The following MID1 variants were observed in gnomAD, a reference collection of about 807,000 sequenced individuals.
MID1 encodes the protein midline 1, also known as E3 ubiquitin-protein ligase Midline-1.
Under a neutral mutation model 40.4 loss-of-function variants are expected in MID1, and 7 were observed. The observed-to-expected ratio is 0.17, with a 90% CI of 0.10 to 0.33. MID1 has a LOEUF of 0.33. Among genes scored for constraint, MID1 ranks in the 10% least tolerant of loss-of-function variants. MID1 has a pLI of 1.00. For missense variants in MID1, 367 were observed against 558.5 expected (o/e 0.66, Z 3.46); for synonymous variants, 229 against 221.2 (o/e 1.04, Z -0.31).
intron 1 of MID1, among the ~76,000 whole-genome samples, chrX:10,598,014 G>A (rs931921371): frequency 1.8e-5 from 2 of 111,201 alleles, no homozygotes; most frequent in Non-Finnish European, 3.8e-5. Context: ...AAAGAGCTAG[G>A]GCCTGCTAAG....
At chrX:10,519,763 A>G (rs1417743610) in intron 3 of MID1, among the ~76,000 whole-genome samples, 1 of 111,979 alleles carries the variant, frequency 8.9e-6, no homozygotes, top group African/African-American at 3.2e-5. Context: ...GGAGATGAGA[A>G]CATCCCTAAT....
chrX:10,658,995 T>C (rs1308518826), intron 1 of MID1, among the ~76,000 whole-genome samples: 1 of 112,069 alleles, frequency 8.9e-6, no homozygotes, highest in Non-Finnish European at 1.9e-5. Context: ...TGACACTCAG[T>C]GCTCACCTTT....
At chrX:10,681,783 T>A (rs2043062406) in intron 1 of MID1, among the ~76,000 whole-genome samples, 1 of 111,412 alleles carries the variant, frequency 9.0e-6, no homozygotes, top group East Asian at 2.8e-4. Context: ...CACTTGTAAT[T>A]ATACAGTCAT....
At chrX:10,777,345 C>G (rs1176366865) in intron 1 of MID1, among the ~76,000 whole-genome samples, 1 of 97,235 alleles carries the variant, frequency 1.0e-5, no homozygotes. Context: ...CTACAGGCGC[C>G]CGCCACCATG....
At chrX:10,774,884 T>C (rs1022503568) in intron 1 of MID1, among the ~76,000 whole-genome samples, 1 of 111,659 alleles carries the variant, frequency 9.0e-6, no homozygotes, top group African/African-American at 3.3e-5. Flanking sequence ...TTATTATATC[T>C]AAGTCCACTT....
In MID1 at chrX:10,688,861, T is replaced by C. The variant is rs772135692; in HGVS notation, c.-186-68442A>G. Among the ~76,000 whole-genome samples the C allele has an allele frequency of 7.2e-5, 8 of 111,850 alleles. No homozygotes were observed. In the East Asian group the frequency reaches 2.2e-3, roughly 31 times the overall value. ...GAGGTCTGCAAAATTTATCAGGCCATACACTGTTCTTTGTGTCACAAAAAT... is the reference window on the plus strand; with the variant it reads ...GAGGTCTGCAAAATTTATCAGGCCACACACTGTTCTTTGTGTCACAAAAAT... On this transcript the variant is annotated intron_variant, in intron 1 of 10. Coordinates refer to the MID1 transcript ENST00000380785.
At chrX:10,675,528 C>T (rs901628605) in intron 1 of MID1, among the ~76,000 whole-genome samples, 2 of 111,492 alleles carry the variant, frequency 1.8e-5, no homozygotes, top group Non-Finnish European at 3.8e-5. Context: ...ACTCCAAACA[C>T]GCCTCTCAGA....
At chrX:10,486,036 A>C (rs1445724756) in intron 4 of MID1, among the ~76,000 whole-genome samples, 1 of 111,591 alleles carries the variant, frequency 9.0e-6, no homozygotes, top group African/African-American at 3.3e-5. Flanking sequence ...CTTATCCCCG[A>C]CTACTGAAAA....
chrX:10,823,798 A>G (rs1199335951), intron 1 of MID1, among the ~76,000 whole-genome samples: 1 of 111,691 alleles, frequency 9.0e-6, no homozygotes, highest in Non-Finnish European at 1.9e-5. Flanking sequence ...TACACAAGCC[A>G]TGAAATGGTC....
rs562899058 is a variant in MID1, at chrX:10,657,955, G to A, written c.-186-37536C>T. ...GATCCAAAACTTTTACAGAGATTCT[G>A]TGTGGTCCAGAAAATTATGAGTCTT... On this transcript the variant is annotated intron_variant, in intron 1 of 10. Transcript: ENST00000380785. Among the ~76,000 whole-genome samples, 4 of 111,887 alleles carry A rather than the reference G, an allele frequency of 3.6e-5. No homozygotes were observed. The South Asian group carries it at 1.5e-3, about 42-fold the overall frequency.
In MID1 at chrX:10,738,179, A is replaced by G. The variant is rs1207293488; in HGVS notation, c.-187+95375T>C. On this transcript the variant is annotated intron_variant, in intron 1 of 10. Transcript: ENST00000380785. ...GATCTCTGCACAAGGGCCCTCTTGC[A>G]CCGTTAATGAATTGTAAAAAACATT... Among the ~76,000 whole-genome samples, 3 of 112,046 alleles carry G rather than the reference A, an allele frequency of 2.7e-5. No individual in the cohort carries two copies. The Admixed American group carries it at 2.8e-4, about 11-fold the overall frequency.
intron 1 of MID1, among the ~76,000 whole-genome samples, chrX:10,813,602 A>G (rs753867178): frequency 6.0e-4 from 67 of 111,143 alleles, no homozygotes; most frequent in African/African-American, 2.1e-3. Flanking sequence ...GAGTTTGTAA[A>G]GTGTGATGGA....
intron 1 of MID1, among the ~76,000 whole-genome samples, chrX:10,703,871 T>C (rs2043208769): frequency 8.9e-6 from 1 of 112,069 alleles, no homozygotes; most frequent in South Asian, 3.7e-4. Context: ...GATGAAAAAG[T>C]TCAAAATAGT....
At chrX:10,710,990 G>A (rs1040921985) in intron 1 of MID1, among the ~76,000 whole-genome samples, 7 of 111,249 alleles carry the variant, frequency 6.3e-5, no homozygotes, top group African/African-American at 2.0e-4. Context: ...CCTGACTGCC[G>A]CACTCATTAA....
chrX:10,490,747 T>C, intron 4 of MID1, among the ~76,000 whole-genome samples: 1 of 112,158 alleles, frequency 8.9e-6, no homozygotes, highest in East Asian at 2.8e-4. Flanking sequence ...TATATGAGAA[T>C]GAGATTATTA....
chrX:10,499,637 T>C (rs1234549462), intron 3 of MID1, among the ~76,000 whole-genome samples: 1 of 112,094 alleles, frequency 8.9e-6, no homozygotes, highest in East Asian at 2.8e-4. Context: ...GGTAGGCTTC[T>C]AACTTTATAT....
intron 1 of MID1, among the ~76,000 whole-genome samples, chrX:10,746,862 A>C (rs1233041457): frequency 1.0e-5 from 1 of 98,505 alleles, no homozygotes; most frequent in Non-Finnish European, 1.9e-5. Flanking sequence ...AAAGTAGCTT[A>C]AAAGCTACTT....
intron 1 of MID1, among the ~76,000 whole-genome samples, chrX:10,730,903 T>C (rs192700587): frequency 9.0e-6 from 1 of 111,527 alleles, no homozygotes; most frequent in East Asian, 2.8e-4. Context: ...AGAAATCACA[T>C]CTTATTGGAA....
chrX:10,501,910 G>A (rs1174085636), intron 3 of MID1, among the ~76,000 whole-genome samples: 1 of 111,624 alleles, frequency 9.0e-6, no homozygotes, highest in Non-Finnish European at 1.9e-5. Flanking sequence ...GAATGGGTGG[G>A]GTAAAGAGGA....
Sources: allele counts gnomAD v4.1 joint callset (sites outside exome capture counted in the v4.1 genomes callset), GRCh38; gene constraint gnomAD v4.1.1; transcripts MANE v1.5; gene names NCBI Gene and HGNC (gene_info 2026-07-23, HGNC 2026-07-21).